Variants in ATP8A1 observed in about 807,000 individuals in gnomAD.
The protein encoded by ATP8A1 is phospholipid-transporting ATPase IA.
ATP8A1 carries 90 observed loss-of-function variants against 177.7 expected under a neutral mutation model. That is an observed-to-expected ratio of 0.51 (90% CI 0.43 to 0.60). ATP8A1 has a LOEUF of 0.60. Among genes scored for constraint, ATP8A1 ranks in the 20% least tolerant of loss-of-function variants. ATP8A1 has a pLI of 0.00. For synonymous variants in ATP8A1, 493 were observed against 485.9 expected (o/e 1.01, Z -0.19); for missense variants, 1,072 against 1,392.8 (o/e 0.77, Z 3.67).
rs1020725051 is a variant in ATP8A1 at position 42,423,007 on chromosome 4, A to G, written c.3213-108T>C. The G allele has an allele frequency of 5.9e-6, 4 of 680,040 alleles. No homozygotes were observed. The Admixed American group carries it at 1.1e-4, about 18-fold the overall frequency. The allele number at this position is 680,040 out of a possible 1,614,324, so 42.1% of individuals were successfully genotyped here. ...GCGGTTGATAAAGCACAATGGTAAC[A>G]AGAGTACAAGCAGTTTTTCAAAAGA... On this transcript the variant is annotated intron_variant, in intron 34 of 36. Coordinates refer to ENST00000381668, the MANE Select transcript of ATP8A1 (RefSeq NM_006095.2).
chr4:42,558,610 G>A (rs1730493866), intron 15 of ATP8A1, among the ~76,000 whole-genome samples: 1 of 152,170 alleles, frequency 6.6e-6, no homozygotes, highest in Admixed American at 6.5e-5. Flanking sequence ...GCATATGACA[G>A]TATGTACTAA....
At position 42,434,370 on chromosome 4, in the gene ATP8A1, A is replaced by T. The variant is rs138901380; in HGVS notation, c.3123+9195T>A. 3.0e-3 allele frequency among the ~76,000 whole-genome samples: 450 copies of T among 152,332 alleles called. 4 individuals carry two copies. Among genetic ancestry groups the T allele is most frequent in the African/African-American group, 9.7e-3 (402 of 41,582 alleles). On this transcript the variant is annotated intron_variant, in intron 33 of 36. Transcript: ENST00000381668. ...AAAAAAATCTTTAAAAAGCCATCTC[A>T]TAAAGCATCAGTTGTTTGATTACAA...
chr4:42,648,480 T>C (rs1740772577), intron 1 of ATP8A1, among the ~76,000 whole-genome samples: 1 of 152,154 alleles, frequency 6.6e-6, no homozygotes, highest in African/African-American at 2.4e-5. Context: ...ATGGTTATTA[T>C]GTCAGGTAAA....
chr4:42,505,410 C>T (rs1360730626), intron 23 of ATP8A1, among the ~76,000 whole-genome samples: 3 of 152,176 alleles, frequency 2.0e-5, no homozygotes, highest in African/African-American at 7.2e-5. Context: ...TCCACATTTA[C>T]TGCCCTTTAT....
chr4:42,641,962 T>C (rs1337367881), intron 1 of ATP8A1, among the ~76,000 whole-genome samples: 1 of 151,838 alleles, frequency 6.6e-6, no homozygotes, highest in Non-Finnish European at 1.5e-5. Context: ...ATTGTGACTT[T>C]GCAAGAGAGG....
At chr4:42,548,029 AG>A (rs2153209104) in intron 19 of ATP8A1, among the ~76,000 whole-genome samples, 1 of 152,348 alleles carries the variant, frequency 6.6e-6, no homozygotes, top group African/African-American at 2.4e-5. Flanking sequence ...GCAGGTAAGC[AG>A]GTTACATTGT....
chr4:42,452,924 A>C (rs1275235053), intron 29 of ATP8A1, among the ~76,000 whole-genome samples: 1 of 152,220 alleles, frequency 6.6e-6, no homozygotes, highest in African/African-American at 2.4e-5. Flanking sequence ...CCTGCCTCCC[A>C]AAATTTTCCA....
intron 22 of ATP8A1, among the ~76,000 whole-genome samples, chr4:42,511,628 T>A (rs1436009312): frequency 1.3e-5 from 2 of 152,200 alleles, no homozygotes; most frequent in Non-Finnish European, 2.9e-5. Flanking sequence ...GCAGAATTTT[T>A]AAAAAGGCAC....
At chr4:42,529,550 A>T (rs114640056) in intron 20 of ATP8A1, among the ~76,000 whole-genome samples, 1,736 of 152,288 alleles carry the variant, frequency 0.011, 32 homozygotes, top group African/African-American at 0.039. Context: ...CAAGTAAGTT[A>T]TGTGAGGAAG....
intron 24 of ATP8A1, among the ~76,000 whole-genome samples, chr4:42,496,196 T>C (rs2153191680): frequency 6.6e-6 from 1 of 152,298 alleles, no homozygotes; most frequent in South Asian, 2.1e-4. Context: ...CTGTGTCCAG[T>C]CTGTGTTTCA....
intron 25 of ATP8A1, among the ~76,000 whole-genome samples, chr4:42,476,336 G>C (rs1024821509): frequency 5.3e-5 from 8 of 152,298 alleles, no homozygotes; most frequent in African/African-American, 1.9e-4. Context: ...GAAGAGGCGG[G>C]GTGCAGTGGG....
intron 1 of ATP8A1, among the ~76,000 whole-genome samples, chr4:42,629,263 T>C (rs982910357): frequency 2.0e-5 from 3 of 152,046 alleles, no homozygotes; most frequent in African/African-American, 7.2e-5. Flanking sequence ...CTCACCAAAA[T>C]GAAGGGGAAA....
intron 25 of ATP8A1, among the ~76,000 whole-genome samples, chr4:42,466,549 A>G (rs1246761942): frequency 6.6e-6 from 1 of 152,358 alleles, no homozygotes; most frequent in South Asian, 2.1e-4. Context: ...CTGCCTGTAA[A>G]GTCAATTGGT....
At chr4:42,548,515 C>T (rs1729158410) in intron 19 of ATP8A1, among the ~76,000 whole-genome samples, 1 of 152,152 alleles carries the variant, frequency 6.6e-6, no homozygotes, top group East Asian at 1.9e-4. Context: ...TTGGGATATG[C>T]AAGATCTTGA....
At chr4:42,633,779 C>T (rs1355918015) in intron 1 of ATP8A1, among the ~76,000 whole-genome samples, 1 of 150,318 alleles carries the variant, frequency 6.7e-6, no homozygotes, top group Non-Finnish European at 1.5e-5. Flanking sequence ...TTGTTGTTAT[C>T]ACTGCTAGTG....
At chr4:42,420,775 T>C (rs953874387) in intron 35 of ATP8A1, among the ~76,000 whole-genome samples, 3 of 151,480 alleles carry the variant, frequency 2.0e-5, no homozygotes, top group African/African-American at 7.3e-5. Flanking sequence ...GAACTCTTTT[T>C]TTTTTTTTTT....
chr4:42,571,105 C>A (rs1372740833), intron 14 of ATP8A1, among the ~76,000 whole-genome samples: 2 of 152,090 alleles, frequency 1.3e-5, no homozygotes, highest in African/African-American at 4.8e-5. Context: ...GAATTTATCA[C>A]AAGTCATGGT....
chr4:42,435,426 CA>C (rs55945370), intron 33 of ATP8A1, among the ~76,000 whole-genome samples: 25 of 93,988 alleles, frequency 2.7e-4, no homozygotes, highest in Middle Eastern at 5.6e-3. Flanking sequence ...GACTTCATCT[CA>C]AAAAAAAAAA....
Position 42,465,043 on chromosome 4 carries a change from C to G in ATP8A1, c.2358G>C (p.Glu786Asp). The G allele has an allele frequency of 1.2e-6, 2 of 1,613,802 alleles. No homozygotes were observed. The highest frequency in any genetic ancestry group is 1.7e-6 in the Non-Finnish European group (2 of 1,179,842). Residue 786 changes from glutamate (E) to aspartate (D), a missense_variant, in exon 26 of 37, where the codon GAG becomes GAC. Physicochemically the swap from Glu to Asp is conservative, Grantham distance 45. Coordinates refer to ENST00000381668, the MANE Select transcript of ATP8A1 (RefSeq NM_006095.2). The part of the protein sequence containing the change: ...VSPLQKSEVV[E>D]MVKKQVKVVT... ...CGACTTTGACTTGTTTCTTAACCAT[C>G]TCAACAACTTCAGATTTTTGAAGAG...
Sources: allele counts gnomAD v4.1 joint callset (sites outside exome capture counted in the v4.1 genomes callset), GRCh38; gene constraint gnomAD v4.1.1; transcripts MANE v1.5; gene names NCBI Gene and HGNC (gene_info 2026-07-23, HGNC 2026-07-21).